Variants in MRE11 observed in about 807,000 individuals in gnomAD.
MRE11 encodes the protein MRE11 double strand break repair nuclease.
Under a neutral mutation model 91.7 loss-of-function variants are expected in MRE11, and 62 were observed. The observed-to-expected ratio is 0.68, with a 90% CI of 0.55 to 0.84. MRE11 has a LOEUF of 0.84. Among genes scored for constraint, MRE11 ranks in the 40% least tolerant of loss-of-function variants. The pLI is 0.00. For synonymous variants in MRE11, 273 were observed against 271.4 expected, an observed-to-expected ratio of 1.01 and a Z score of -0.06; for missense variants, 796 against 852.9, an observed-to-expected ratio of 0.93 and a Z score of 0.83.
rs397509348 is a variant in MRE11, at chr11:94,418,766, A to G, written c.*1359T>C. ...CTGAGTTAATGTTACTTGCTCAAAT[A>G]ACCCTTATGCTCAAGTTAGGTACAG... On this transcript the variant is annotated 3_prime_UTR_variant, in exon 20 of 20. Transcript: ENST00000323929. 4.3e-6 allele frequency: 1 copy of G among 232,312 alleles called. No individual in the cohort carries two copies. Among genetic ancestry groups the G allele is most frequent in the Non-Finnish European group, 8.5e-6 (1 of 117,516 alleles). 14.4% of individuals were successfully genotyped at this position (232,312 alleles called of 1,614,324 possible). A position where few individuals can be genotyped will look rare whatever the true frequency, so the allele number is the denominator to read the frequency against.
chr11:94,429,829 A>T, intron 19 of MRE11, 82 bp downstream of exon 19: 1 of 1,202,176 alleles, frequency 8.3e-7, no homozygotes, highest in Non-Finnish European at 1.2e-6. Flanking sequence ...AAGAAAAAAA[A>T]GTTCAGCAAC....
At chr11:94,432,500 T>C (rs1297541070) in intron 18 of MRE11, among the ~76,000 whole-genome samples, 3 of 152,174 alleles carry the variant, frequency 2.0e-5, no homozygotes, top group African/African-American at 7.2e-5. Context: ...GAGGTAAATG[T>C]AAGTACCATT....
At chr11:94,437,458 G>A (rs940303674) in intron 16 of MRE11, among the ~76,000 whole-genome samples, 5 of 152,256 alleles carry the variant, frequency 3.3e-5, no homozygotes, top group African/African-American at 9.6e-5. Context: ...AGCTTATTGA[G>A]ATACTGTAGT....
At chr11:94,512,008 T>C in the MRE11 span, among the ~76,000 whole-genome samples, 3 of 152,244 alleles carry the variant, frequency 2.0e-5, no homozygotes, top group African/African-American at 7.2e-5. Flanking sequence ...ACTTATTCAA[T>C]CACGTTGCGT....
chr11:94,420,294 C>T (rs1945136486), intron 19 of MRE11, 113 bp from the exon 20 acceptor site: 4 of 763,040 alleles, frequency 5.2e-6, no homozygotes, highest in Non-Finnish European at 6.6e-6. Context: ...ATGGGATAGA[C>T]TTTATTTTTC....
Position 94,486,159 on chromosome 11 carries a change from T to TAAAA in MRE11, c.154-79_154-76dup. 16 of 1,414,558 alleles carry TAAAA rather than the reference T, an allele frequency of 1.1e-5. No homozygotes were observed. The African/African-American group carries it at 1.6e-4, about 14-fold the overall frequency. The allele number at this position is 1,414,558 out of a possible 1,614,324, so 87.6% of individuals were successfully genotyped here. On this transcript the variant is annotated intron_variant, in intron 3 of 19. Coordinates refer to ENST00000323929, the MANE Select transcript of MRE11 (RefSeq NM_005591.4). ...TTTTGTAAACTACAGATGAAAGAGATAAAAAAAAACTCACAAAAGACACTA... is the reference window on the plus strand; with the variant it reads ...TTTTGTAAACTACAGATGAAAGAGATAAAAAAAAAAAAACTCACAAAAGACACTA...
chr11:94,458,188 T>G (rs1026069698), intron 13 of MRE11, among the ~76,000 whole-genome samples: 1 of 151,982 alleles, frequency 6.6e-6, no homozygotes, highest in Non-Finnish European at 1.5e-5. Flanking sequence ...ATGAGTTTTT[T>G]TTTTTTTTTT....
the MRE11 span, among the ~76,000 whole-genome samples, chr11:94,502,632 T>A: frequency 1.3e-5 from 2 of 152,166 alleles, no homozygotes; most frequent in African/African-American, 4.8e-5. Flanking sequence ...GAAGTATATG[T>A]TGTACATAGG....
the MRE11 span, among the ~76,000 whole-genome samples, chr11:94,511,062 G>A: frequency 6.6e-5 from 10 of 152,148 alleles, no homozygotes; most frequent in East Asian, 1.7e-3. Flanking sequence ...GTACTGGAGA[G>A]CAGTTTGAAA....
chr11:94,498,184 T>C (rs1565246848), upstream of MRE11: 4 of 1,614,190 alleles, frequency 2.5e-6, no homozygotes, highest in South Asian at 3.3e-5. Flanking sequence ...TAGATATTGT[T>C]CAGGAGCTCA....
At chr11:94,444,021 C>T (rs1945859769) in intron 16 of MRE11, among the ~76,000 whole-genome samples, 1 of 151,370 alleles carries the variant, frequency 6.6e-6, no homozygotes, top group Admixed American at 6.6e-5. Context: ...ATTCTCCTGC[C>T]TCAGCCTCCC....
rs863224403 is a variant in MRE11, at chr11:94,447,445, G to T, written c.1564-7C>A. 6.2e-7 allele frequency: 1 copy of T among 1,613,088 alleles called. No individual in the cohort carries two copies. Among genetic ancestry groups the T allele is most frequent in the African/African-American group, 1.3e-5 (1 of 74,996 alleles). On this transcript the variant is annotated splice_polypyrimidine_tract_variant and splice_region_variant and intron_variant, in intron 14 of 19. Transcript: ENST00000323929. ...CTCTGGCCCTGGTCATAGCCTAAGAGGGAGAAGAAGGAGAAAGTACACACA... is the reference window on the plus strand; with the variant it reads ...CTCTGGCCCTGGTCATAGCCTAAGATGGAGAAGAAGGAGAAAGTACACACA...
intron 10 of MRE11, chr11:94,466,601 G>A (rs13447639): frequency 2.3e-6 from 1 of 427,432 alleles, no homozygotes; most frequent in South Asian, 1.6e-5. Context: ...GATAAGGGAT[G>A]CGGTTGCTCA....
At chr11:94,424,360 T>C (rs1050778760) in intron 19 of MRE11, among the ~76,000 whole-genome samples, 1 of 152,194 alleles carries the variant, frequency 6.6e-6, no homozygotes, top group African/African-American at 2.4e-5. Context: ...GCCAGTTGAC[T>C]ATACTCGACT....
chr11:94,488,713 A>G (rs1442381634), intron 3 of MRE11, among the ~76,000 whole-genome samples: 1 of 152,158 alleles, frequency 6.6e-6, no homozygotes, highest in Non-Finnish European at 1.5e-5. Context: ...CAGAAAAATC[A>G]AATACTTGTA....
chr11:94,424,460 T>C (rs1022876546), intron 19 of MRE11, among the ~76,000 whole-genome samples: 1 of 152,178 alleles, frequency 6.6e-6, no homozygotes, highest in Non-Finnish European at 1.5e-5. Context: ...AATGTCCCCT[T>C]ACCTCCAAAT....
At chr11:94,491,660 A>C (rs1283677886) in intron 2 of MRE11, among the ~76,000 whole-genome samples, 2 of 152,218 alleles carry the variant, frequency 1.3e-5, no homozygotes, top group Non-Finnish European at 2.9e-5. Flanking sequence ...AGAAGGCTAA[A>C]CCCAGAGAAA....
At chr11:94,470,924 T>C (rs951349210) in intron 8 of MRE11, among the ~76,000 whole-genome samples, 2 of 152,038 alleles carry the variant, frequency 1.3e-5, no homozygotes, top group Non-Finnish European at 1.5e-5. Flanking sequence ...AACAGGACTA[T>C]GATGGTAGCA....
intron 12 of MRE11, 27 bp downstream of exon 12, chr11:94,460,909 T>A (rs1192532339): frequency 6.4e-7 from 1 of 1,562,436 alleles, no homozygotes; most frequent in Admixed American, 1.7e-5. Flanking sequence ...GTAGCCATTA[T>A]TCAAAATGTG....
Sources: gnomAD v4.1 joint callset for allele counts (sites outside exome capture counted in the v4.1 genomes callset) on GRCh38, gnomAD v4.1.1 for gene constraint, MANE v1.5 for transcripts, NCBI Gene and HGNC (gene_info 2026-07-23, HGNC 2026-07-21) for gene names.